DCC: variants seen among roughly 807,000 people sequenced by gnomAD.
The protein encoded by DCC is DCC netrin 1 receptor, also known as netrin receptor DCC.
DCC carries 58 observed loss-of-function variants against 172.5 expected under a neutral mutation model. The observed-to-expected ratio is 0.34, with a 90% CI of 0.27 to 0.42. The LOEUF (loss-of-function observed/expected upper bound fraction) is 0.42, where lower values mean the gene tolerates loss of function less well. Among genes scored for constraint, DCC ranks in the 10% least tolerant of loss-of-function variants. The pLI is 1.00. For missense variants in DCC, 1,740 were observed against 1,791.0 expected, an observed-to-expected ratio of 0.97 and a Z score of 0.51; for synonymous variants, 709 against 644.5, an observed-to-expected ratio of 1.10 and a Z score of -1.52.
intron 16 of DCC, among the ~76,000 whole-genome samples, chr18:53,387,371 T>A (rs1443273479): frequency 2.6e-5 from 4 of 152,250 alleles, no homozygotes; most frequent in African/African-American, 9.6e-5. Context: ...TCTCTTTGAA[T>A]CTTTGACCAT....
chr18:52,517,879 A>G (rs997311480), intron 1 of DCC, among the ~76,000 whole-genome samples: 1 of 152,200 alleles, frequency 6.6e-6, no homozygotes. Context: ...TATCCATGCC[A>G]TTGATTATGC....
chr18:52,934,068 C>G (rs1170538672), intron 5 of DCC, among the ~76,000 whole-genome samples: 3 of 152,004 alleles, frequency 2.0e-5, no homozygotes, highest in Non-Finnish European at 4.4e-5. Flanking sequence ...CAAGACATCC[C>G]AAATGTCACA....
At chr18:52,505,619 T>C (rs2144636477) in intron 1 of DCC, among the ~76,000 whole-genome samples, 1 of 152,310 alleles carries the variant, frequency 6.6e-6, no homozygotes, top group Non-Finnish European at 1.5e-5. Flanking sequence ...GTTGACATCA[T>C]AATTAAAGAA....
chr18:52,952,503 A>G (rs146076352), intron 5 of DCC, among the ~76,000 whole-genome samples: 1 of 152,340 alleles, frequency 6.6e-6, no homozygotes, highest in Admixed American at 6.5e-5. Flanking sequence ...AAAATAGGGT[A>G]TATAAAAGTG....
intron 21 of DCC, among the ~76,000 whole-genome samples, chr18:53,417,451 T>TAAA (rs113115529): frequency 1.8e-4 from 28 of 152,020 alleles, no homozygotes; most frequent in South Asian, 8.3e-4. Flanking sequence ...ATGAGATTTG[T>TAAA]AAAAAATATT....
At chr18:52,764,911 A>G (rs1239858348) in intron 2 of DCC, among the ~76,000 whole-genome samples, 1 of 152,146 alleles carries the variant, frequency 6.6e-6, no homozygotes, top group Non-Finnish European at 1.5e-5. Context: ...ATATAATGTC[A>G]GACCCCATAG....
At chr18:53,064,342 G>C (rs920136167) in intron 6 of DCC, among the ~76,000 whole-genome samples, 1 of 152,144 alleles carries the variant, frequency 6.6e-6, no homozygotes, top group Non-Finnish European at 1.5e-5. Flanking sequence ...ATATGAGAGC[G>C]ATGTAAAGTT....
chr18:53,231,647 G>A (rs1433601194), intron 12 of DCC, among the ~76,000 whole-genome samples: 1 of 152,028 alleles, frequency 6.6e-6, no homozygotes, highest in African/African-American at 2.4e-5. Context: ...CATTTTCAGA[G>A]CCCAGAAAAT....
intron 15 of DCC, among the ~76,000 whole-genome samples, chr18:53,374,607 T>A (rs1217150108): frequency 6.6e-6 from 1 of 151,996 alleles, no homozygotes; most frequent in Admixed American, 6.6e-5. Flanking sequence ...GCTTGTTGAG[T>A]GAAAAGGCAA....
At chr18:53,348,051 C>T (rs1445948518) in intron 15 of DCC, among the ~76,000 whole-genome samples, 4 of 152,128 alleles carry the variant, frequency 2.6e-5, no homozygotes, top group Non-Finnish European at 4.4e-5. Context: ...CAAAACCAAA[C>T]ATGCCTTCCC....
At chr18:53,061,892 G>A (rs1013516085) in intron 5 of DCC, among the ~76,000 whole-genome samples, 9 of 152,054 alleles carry the variant, frequency 5.9e-5, no homozygotes, top group Non-Finnish European at 1.2e-4. Context: ...TAAATGTTTG[G>A]CATTGGGTAT....
intron 7 of DCC, among the ~76,000 whole-genome samples, chr18:53,102,831 GA>G (rs144257184): frequency 0.038 from 5,814 of 152,106 alleles, 345 homozygotes; most frequent in African/African-American, 0.13. Context: ...AGGCTACCAT[GA>G]AGACCCCCTT....
chr18:52,802,058 G>A (rs2038000216), intron 2 of DCC, among the ~76,000 whole-genome samples: 1 of 150,602 alleles, frequency 6.6e-6, no homozygotes, highest in Non-Finnish European at 1.5e-5. Flanking sequence ...CCTCTGAGCA[G>A]TAACACAGTA....
intron 1 of DCC, among the ~76,000 whole-genome samples, chr18:52,632,672 A>G (rs1360614931): frequency 6.6e-6 from 1 of 152,122 alleles, no homozygotes; most frequent in Non-Finnish European, 1.5e-5. Flanking sequence ...ATGACTTCAA[A>G]TTTCTGCATT....
intron 2 of DCC, among the ~76,000 whole-genome samples, chr18:52,781,407 C>T (rs552760752): frequency 7.0e-3 from 298 of 42,758 alleles, no homozygotes; most frequent in Admixed American, 0.018. Flanking sequence ...CACCAAACTG[C>T]TATCTGAGCT....
rs118072226 is a variant in DCC at position 52,513,310 on chromosome 18, C to A, written c.91+172432C>A. On this transcript the variant is annotated intron_variant, in intron 1 of 28. Transcript: ENST00000442544. ...CCATGAGACACGACTTCCTGAGTTT[C>A]CATCCTGGATCCATCACTTGTTAGC... 3.6e-3 allele frequency among the ~76,000 whole-genome samples: 543 copies of A among 152,292 alleles called. 8 individuals are homozygous for A. The highest frequency in any genetic ancestry group is 0.034 in the East Asian group (176 of 5,168).
rs182586133 is a variant in DCC, at chr18:52,549,745, A to T, written c.92-202309A>T. Reference sequence around the variant, plus strand: ...CTTTTGCCATGCATGACATTACCTGATATTTAGAATATAAACTATGATTTG... The same window carrying T: ...CTTTTGCCATGCATGACATTACCTGTTATTTAGAATATAAACTATGATTTG... On this transcript the variant is annotated intron_variant, in intron 1 of 28. Coordinates refer to ENST00000442544, the MANE Select transcript of DCC (RefSeq NM_005215.4). 5.9e-3 allele frequency among the ~76,000 whole-genome samples: 891 copies of T among 152,098 alleles called. 5 individuals carry two copies. Among genetic ancestry groups the T allele is most frequent in the Middle Eastern group, 0.014 (4 of 292 alleles).
intron 1 of DCC, among the ~76,000 whole-genome samples, chr18:52,557,676 T>C (rs2032945983): frequency 6.6e-6 from 1 of 152,238 alleles, no homozygotes; most frequent in Non-Finnish European, 1.5e-5. Flanking sequence ...TGTCTCTAAT[T>C]CTTCTACCTA....
chr18:53,227,820 G>A (rs2056057967), intron 12 of DCC, among the ~76,000 whole-genome samples: 1 of 152,036 alleles, frequency 6.6e-6, no homozygotes, highest in East Asian at 1.9e-4. Context: ...TCATCTTTCA[G>A]AGGAGTCTAC....
Sources: gnomAD v4.1 joint callset for allele counts (sites outside exome capture counted in the v4.1 genomes callset) on GRCh38, gnomAD v4.1.1 for gene constraint, MANE v1.5 for transcripts, NCBI Gene and HGNC (gene_info 2026-07-23, HGNC 2026-07-21) for gene names.